URB2: variants seen among roughly 807,000 people sequenced by gnomAD.
The protein encoded by URB2 is unhealthy ribosome biogenesis protein 2 homolog.
In URB2, 86 loss-of-function variants were observed where a neutral mutation model predicts 120.9. That is an observed-to-expected ratio of 0.71 (90% CI 0.60 to 0.85). The LOEUF (loss-of-function observed/expected upper bound fraction) is 0.85. Ranked by LOEUF, URB2 falls within the 40% of genes least tolerant of loss-of-function variation. The pLI is 0.00. For missense variants in URB2, 1,765 were observed against 1,836.5 expected (o/e 0.96, Z 0.71); for synonymous variants, 755 against 758.4 (o/e 1.00, Z 0.07).
At chr1:229,653,960 T>TTA (rs1420029576) in intron 8 of URB2, among the ~76,000 whole-genome samples, 35 of 148,698 alleles carry the variant, frequency 2.4e-4, no homozygotes, top group African/African-American at 8.3e-4. Context: ...TTTTTTTTTT[T>TTA]AAGTAATCCT....
In URB2 at chr1:229,635,535, T is replaced by C; in HGVS notation, c.922T>C (p.Tyr308His). 6.2e-7 allele frequency: 1 copy of C among 1,614,130 alleles called. No homozygotes were observed. The highest frequency in any genetic ancestry group is 8.5e-7 in the Non-Finnish European group (1 of 1,180,008). The change falls in exon 4 of 10, where the codon TAT becomes CAT. Residue 308 changes from tyrosine to histidine, a missense_variant. Physicochemically the swap from Tyr to His is moderately conservative, Grantham distance 83. Coordinates refer to ENST00000258243, the MANE Select transcript of URB2 (RefSeq NM_014777.4). Reference protein sequence around the residue: ...SVVANSVALLYKLFLDSYFKE... With the variant: ...SVVANSVALLHKLFLDSYFKE... ...TGTGGCCAACTCAGTGGCCTTGCTG[T>C]ATAAGCTCTTTCTAGATTCTTACTT... is the stretch of plus-strand genomic sequence containing the variant.
chr1:229,629,642 T>A (rs769943420), intron 2 of URB2, among the ~76,000 whole-genome samples: 32 of 152,366 alleles, frequency 2.1e-4, no homozygotes, highest in African/African-American at 6.5e-4. Flanking sequence ...TAGGGAGTCA[T>A]CATGCTGGAG....
chr1:229,638,099 G>A lies in URB2; in HGVS notation c.3486G>A (p.Leu1162=). 6.2e-7 allele frequency: 1 copy of A among 1,614,246 alleles called. No individual in the cohort carries two copies. Among genetic ancestry groups the A allele is most frequent in the Non-Finnish European group, 8.5e-7 (1 of 1,180,052 alleles). Residue 1162 remains leucine (L), a synonymous_variant, in exon 4 of 10, where the codon CTG becomes CTA. Coordinates refer to ENST00000258243, the MANE Select transcript of URB2 (RefSeq NM_014777.4). ...ALYQGVYSQI[L]LELPALAGHD... The stretch of plus-strand genomic sequence containing the variant: ...ACCAGGGTGTTTACTCTCAGATACT[G>A]TTGGAGTTGCCAGCTCTCGCGGGAC...
At chr1:229,627,802 TA>T (rs748390425) in intron 2 of URB2, 43 bp downstream of exon 2, 1 of 1,558,548 alleles carries the variant, frequency 6.4e-7, no homozygotes, top group Non-Finnish European at 8.7e-7. Context: ...TCTGTCAAGA[TA>T]ATTATCACTT....
Position 229,645,847 on chromosome 1 carries a change from C to G in URB2, c.3796-12C>G. The G allele has an allele frequency of 6.2e-7, 1 of 1,613,202 alleles. No individual in the cohort carries two copies. The highest frequency in any genetic ancestry group is 8.5e-7 in the Non-Finnish European group (1 of 1,179,318). On this transcript the variant is annotated splice_polypyrimidine_tract_variant and intron_variant, in intron 5 of 9. Coordinates refer to ENST00000258243, the MANE Select transcript of URB2 (RefSeq NM_014777.4). ...CTATCTCTGCCGCTAAGTTTTTTCTCTCTTGCCCCAGGCTGTTGTGTCAGC... is the reference window on the plus strand; with the variant it reads ...CTATCTCTGCCGCTAAGTTTTTTCTGTCTTGCCCCAGGCTGTTGTGTCAGC...
intron 2 of URB2, among the ~76,000 whole-genome samples, 174 bp downstream of exon 2, chr1:229,627,933 T>C (rs1373464990): frequency 1.3e-5 from 2 of 151,430 alleles, no homozygotes; most frequent in Admixed American, 1.3e-4. Flanking sequence ...GGTACTTCAT[T>C]AATACATTTT....
At chr1:229,626,718 G>A (rs1211314370) in intron 1 of URB2, among the ~76,000 whole-genome samples, 1 of 152,276 alleles carries the variant, frequency 6.6e-6, no homozygotes, top group African/African-American at 2.4e-5. Flanking sequence ...GCCGGGGAGA[G>A]CATCTCGGTT....
At chr1:229,640,837 CCTT>C (rs754470030) in intron 4 of URB2, among the ~76,000 whole-genome samples, 62 of 150,158 alleles carry the variant, frequency 4.1e-4, no homozygotes, top group Non-Finnish European at 6.8e-4. Context: ...ATGGTGTTCA[CCTT>C]CTTAATGGGG....
chr1:229,648,418 G>T (rs995260726), intron 7 of URB2, among the ~76,000 whole-genome samples: 5 of 152,140 alleles, frequency 3.3e-5, no homozygotes, highest in Non-Finnish European at 7.3e-5. Flanking sequence ...TAAGCCACTC[G>T]CATAGATCCC....
At chr1:229,650,473 C>T (rs1406520325) in intron 7 of URB2, among the ~76,000 whole-genome samples, 1 of 151,962 alleles carries the variant, frequency 6.6e-6, no homozygotes, top group East Asian at 1.9e-4. Flanking sequence ...CTCTGTCACT[C>T]AGGCTGGAGT....
intron 8 of URB2, among the ~76,000 whole-genome samples, chr1:229,653,890 T>C (rs1003440261): frequency 5.5e-4 from 83 of 152,194 alleles, no homozygotes; most frequent in African/African-American, 1.8e-3. Flanking sequence ...TAAGATAATT[T>C]TCAATTTGTT....
chr1:229,646,624 C>T (rs79273853), intron 6 of URB2, among the ~76,000 whole-genome samples: 1,641 of 152,266 alleles, frequency 0.011, 33 homozygotes, highest in African/African-American at 0.038. Context: ...AAATGCTTTA[C>T]AGGATGGGAT....
intron 2 of URB2, among the ~76,000 whole-genome samples, chr1:229,630,024 G>T (rs1665620959): frequency 6.6e-6 from 1 of 152,128 alleles, no homozygotes; most frequent in Non-Finnish European, 1.5e-5. Context: ...CTAGTTCCCT[G>T]GCTATTTCCA....
intron 9 of URB2, 40 bp from the exon 10 acceptor site, chr1:229,659,060 G>GC: frequency 1.3e-6 from 2 of 1,588,696 alleles, no homozygotes; most frequent in Non-Finnish European, 1.7e-6. Flanking sequence ...CTTGATCTCT[G>GC]CCCCCAATTG....
chr1:229,652,032 A>G (rs1467831142), intron 8 of URB2, among the ~76,000 whole-genome samples: 1 of 152,074 alleles, frequency 6.6e-6, no homozygotes, highest in Non-Finnish European at 1.5e-5. Flanking sequence ...AAATACAAAA[A>G]TTAGCTGGGC....
intron 8 of URB2, among the ~76,000 whole-genome samples, chr1:229,652,890 T>C (rs1276979382): frequency 6.6e-6 from 1 of 152,276 alleles, no homozygotes; most frequent in Non-Finnish European, 1.5e-5. Context: ...GCTGTGTTCA[T>C]GTGAAGGTAG....
chr1:229,646,048 C>A, intron 6 of URB2, 79 bp downstream of exon 6: 2 of 1,327,464 alleles, frequency 1.5e-6, no homozygotes, highest in Non-Finnish European at 2.2e-6. Flanking sequence ...CTTTTGGGGT[C>A]TGCTGCCCTG....
At chr1:229,627,357 A>G (rs1237258918) in intron 1 of URB2, among the ~76,000 whole-genome samples, 1 of 152,210 alleles carries the variant, frequency 6.6e-6, no homozygotes, top group African/African-American at 2.4e-5. Flanking sequence ...GTGATGTTTG[A>G]TCATAGCTGG....
At chr1:229,658,299 C>T (rs1666450074) in intron 9 of URB2, among the ~76,000 whole-genome samples, 1 of 152,120 alleles carries the variant, frequency 6.6e-6, no homozygotes, top group African/African-American at 2.4e-5. Context: ...GTCTGAGTCT[C>T]TTCTCTGGAA....
Sources: gnomAD v4.1 joint callset for allele counts (sites outside exome capture counted in the v4.1 genomes callset) on GRCh38, gnomAD v4.1.1 for gene constraint, MANE v1.5 for transcripts, NCBI Gene and HGNC (gene_info 2026-07-23, HGNC 2026-07-21) for gene names.